Variants in POC1B observed in about 807,000 individuals in gnomAD.
POC1B encodes the protein POC1 centriolar protein B, also known as POC1 centriolar protein homolog B.
Under a neutral mutation model 60.6 loss-of-function variants are expected in POC1B, and 44 were observed. That is an observed-to-expected ratio of 0.73 (90% CI 0.57 to 0.93). The LOEUF (loss-of-function observed/expected upper bound fraction) is 0.93, where lower values mean the gene tolerates loss of function less well. Ranked by LOEUF, POC1B falls within the 40% of genes least tolerant of loss-of-function variation. The pLI, the probability that POC1B is intolerant of heterozygous loss-of-function variation, is 0.00. For missense variants in POC1B, 555 were observed against 572.3 expected, an observed-to-expected ratio of 0.97 and a Z score of 0.31; for synonymous variants, 180 against 198.9, an observed-to-expected ratio of 0.90 and a Z score of 0.80.
intron 2 of POC1B, chr12:89,519,740 A>C (rs1184609263): frequency 6.6e-6 from 1 of 152,604 alleles, no homozygotes; most frequent in African/African-American, 2.4e-5. Context: ...CTAATGGGTA[A>C]GTAAACAAAT....
intron 5 of POC1B, 35 bp from the exon 6 acceptor site, chr12:89,471,764 A>ATTTAT: frequency 1.6e-5 from 18 of 1,097,574 alleles, no homozygotes; most frequent in Non-Finnish European, 2.1e-5. Context: ...TAATATTTCA[A>ATTTAT]TTTCTTTTTT....
chr12:89,426,669 C>A (rs1030897799), intron 10 of POC1B: 4 of 151,730 alleles, frequency 2.6e-5, no homozygotes, highest in Admixed American at 1.3e-4. Flanking sequence ...ACTAAAAATA[C>A]AAAAATTAGC....
intron 7 of POC1B, among the ~76,000 whole-genome samples, chr12:89,468,281 G>T (rs1387361320): frequency 6.6e-6 from 1 of 152,184 alleles, no homozygotes; most frequent in African/African-American, 2.4e-5. Context: ...TTATCTAGGT[G>T]AGAGGTAATG....
chr12:89,426,506 TA>T (rs1880771259), intron 10 of POC1B: 1 of 152,142 alleles, frequency 6.6e-6, no homozygotes, highest in African/African-American at 2.4e-5. Context: ...TGGAATAGCA[TA>T]AAAAATATTT....
intron 2 of POC1B, among the ~76,000 whole-genome samples, chr12:89,513,643 A>C (rs1870295463): frequency 6.6e-6 from 1 of 152,212 alleles, no homozygotes; most frequent in Non-Finnish European, 1.5e-5. Context: ...AATCAGACTC[A>C]AACCAGGCTC....
intron 7 of POC1B, among the ~76,000 whole-genome samples, chr12:89,469,878 AT>A (rs34404733): frequency 0.73 from 107,279 of 147,296 alleles, 38,929 homozygotes; most frequent in Middle Eastern, 0.81. Flanking sequence ...TTTTTCTTCC[AT>A]TTTTTTTTTT....
intron 1 of POC1B, chr12:89,525,593 C>A (rs1255239837): frequency 3.9e-6 from 5 of 1,279,632 alleles, no homozygotes; most frequent in East Asian, 6.2e-5. Flanking sequence ...CTGACGCAGG[C>A]GCTCCACGGA....
At chr12:89,435,954 T>G (rs1881245170) in intron 10 of POC1B, among the ~76,000 whole-genome samples, 1 of 151,566 alleles carries the variant, frequency 6.6e-6, no homozygotes, top group Non-Finnish European at 1.5e-5. Context: ...TTTGTTTGTT[T>G]TTTTTTTTTG....
chr12:89,501,961 A>C (rs551206231), intron 2 of POC1B: 1 of 981,006 alleles, frequency 1.0e-6, no homozygotes, highest in African/African-American at 1.6e-5. Context: ...GCCATTGGAA[A>C]GTGATGAGGC....
intron 10 of POC1B, among the ~76,000 whole-genome samples, chr12:89,452,751 C>G (rs1882103912): frequency 6.6e-6 from 1 of 151,960 alleles, no homozygotes; most frequent in South Asian, 2.1e-4. Context: ...TACGGTGATA[C>G]TGTTAGTAAA....
chr12:89,432,677 A>G (rs78220676), intron 10 of POC1B, among the ~76,000 whole-genome samples: 2,171 of 152,284 alleles, frequency 0.014, 44 homozygotes, highest in African/African-American at 0.046. Flanking sequence ...TGATGTAGCT[A>G]TGCTGATGCA....
At chr12:89,492,960 T>C (rs58154052) in intron 3 of POC1B, among the ~76,000 whole-genome samples, 1,819 of 152,298 alleles carry the variant, frequency 0.012, 39 homozygotes, top group African/African-American at 0.042. Flanking sequence ...CACCTACATA[T>C]TGTGCTTATT....
At chr12:89,433,186 G>A (rs181914113) in intron 10 of POC1B, among the ~76,000 whole-genome samples, 1 of 152,274 alleles carries the variant, frequency 6.6e-6, no homozygotes, top group East Asian at 1.9e-4. Context: ...GAAGACTTTT[G>A]CTATAAATGG....
intron 9 of POC1B, among the ~76,000 whole-genome samples, chr12:89,464,210 G>T (rs936894527): frequency 2.6e-5 from 4 of 151,916 alleles, no homozygotes; most frequent in Admixed American, 2.6e-4. Flanking sequence ...ATGTAAATTT[G>T]CCTAAAGCTT....
In POC1B at chr12:89,420,544, C is replaced by T. The variant is rs1880487327; in HGVS notation, c.*609G>A. ...AGTACGCCATAAATTAACTAAAAAA[C>T]CCACTGCCCTATGCTATATCTGTGC... On this transcript the variant is annotated 3_prime_UTR_variant, in exon 12 of 12. Coordinates refer to ENST00000313546, the MANE Select transcript of POC1B (RefSeq NM_172240.3). The T allele has an allele frequency of 6.6e-6, 1 of 152,162 alleles. No homozygotes were observed. Among genetic ancestry groups the T allele is most frequent in the African/African-American group, 2.4e-5 (1 of 41,446 alleles). The allele number at this position is 152,162 out of a possible 1,614,324, so 9.4% of individuals were successfully genotyped here.
intron 10 of POC1B, chr12:89,428,427 A>G (rs1880866187): frequency 6.6e-6 from 1 of 152,120 alleles, no homozygotes; most frequent in Non-Finnish European, 1.5e-5. Context: ...GTATTTATGT[A>G]TTTGCTGCTT....
At chr12:89,522,737 A>G in intron 2 of POC1B, 1 of 1,498,464 alleles carries the variant, frequency 6.7e-7, no homozygotes, top group Non-Finnish European at 8.9e-7. Flanking sequence ...ATAAAATACA[A>G]TCTTCACTGA....
chr12:89,455,751 A>G (rs1317573482), intron 10 of POC1B, among the ~76,000 whole-genome samples: 1 of 152,240 alleles, frequency 6.6e-6, no homozygotes, highest in African/African-American at 2.4e-5. Flanking sequence ...AGGCATACAC[A>G]TATTCTGCAT....
chr12:89,501,920 A>T (rs1869590578), intron 2 of POC1B: 1 of 1,121,928 alleles, frequency 8.9e-7, no homozygotes, highest in African/African-American at 1.5e-5. Context: ...ATCATTGGTC[A>T]TGATGAAATT....
Sources: gnomAD v4.1 joint callset for allele counts (sites outside exome capture counted in the v4.1 genomes callset) on GRCh38, gnomAD v4.1.1 for gene constraint, MANE v1.5 for transcripts, NCBI Gene and HGNC (gene_info 2026-07-23, HGNC 2026-07-21) for gene names.